The following INSC variants were observed in gnomAD, a reference collection of about 807,000 sequenced individuals.
INSC encodes the protein INSC spindle orientation adaptor protein.
In INSC, 67 loss-of-function variants were observed where a neutral mutation model predicts 58.6. That is an observed-to-expected ratio of 1.14 (90% CI 0.94 to 1.40). INSC has a LOEUF of 1.40. INSC is among the 40% of genes most tolerant of loss of function. The probability of loss-of-function intolerance (pLI) is 0.00; values close to 1 mark genes in which losing one functional copy is unlikely to be tolerated. For synonymous variants in INSC, 262 were observed against 276.1 expected (o/e 0.95, Z 0.51); for missense variants, 714 against 692.0 (o/e 1.03, Z -0.36).
In INSC at chr11:15,246,355, A is replaced by C. The variant is rs76942223; in HGVS notation, c.*315A>C. The C allele has an allele frequency of 1.2e-5, 2 of 170,672 alleles. No individual in the cohort carries two copies. The highest frequency in any genetic ancestry group is 1.6e-4 in the East Asian group (1 of 6,392). The allele number at this position is 170,672 out of a possible 1,614,324, so 10.6% of individuals were successfully genotyped here. On this transcript the variant is annotated 3_prime_UTR_variant, in exon 13 of 13. Transcript: ENST00000379556. The stretch of plus-strand genomic sequence containing the variant: ...TTATTTTTTCTACTCTCACTATACA[A>C]TCTTGCCTCATTTTTTAAAACTTTG...
At chr11:15,136,042 C>T (rs540429825) in intron 1 of INSC, among the ~76,000 whole-genome samples, 1 of 152,116 alleles carries the variant, frequency 6.6e-6, no homozygotes, top group Non-Finnish European at 1.5e-5. Flanking sequence ...TTCATGAGGG[C>T]TCTGCTCTCA....
intron 6 of INSC, among the ~76,000 whole-genome samples, chr11:15,196,722 T>C (rs1299529775): frequency 1.3e-5 from 2 of 152,204 alleles, no homozygotes; most frequent in Non-Finnish European, 2.9e-5. Flanking sequence ...TTTATAGCAC[T>C]CACTTTGTGC....
At chr11:15,185,735 ATTAAG>A (rs1290462527) in intron 5 of INSC, among the ~76,000 whole-genome samples, 1 of 152,182 alleles carries the variant, frequency 6.6e-6, no homozygotes, top group East Asian at 1.9e-4. Flanking sequence ...TGATGATGGT[ATTAAG>A]TTGTTTTGGT....
At chr11:15,229,999 A>ATATATATAT (rs1851843122) in intron 9 of INSC, among the ~76,000 whole-genome samples, 8 of 25,684 alleles carry the variant, frequency 3.1e-4, no homozygotes, top group African/African-American at 3.2e-4. Context: ...ATATATATAT[A>ATATATATAT]TATATATATA....
chr11:15,126,430 C>A (rs570573506), intron 1 of INSC, among the ~76,000 whole-genome samples: 3 of 152,146 alleles, frequency 2.0e-5, no homozygotes, highest in African/African-American at 4.8e-5. Context: ...CTGGGAAGAG[C>A]AAGCTGGAGA....
intron 12 of INSC, among the ~76,000 whole-genome samples, chr11:15,243,689 GCT>G (rs1388693259): frequency 2.0e-5 from 3 of 151,990 alleles, no homozygotes; most frequent in African/African-American, 4.8e-5. Flanking sequence ...TTTCTGCTTT[GCT>G]CTCTTTCTAG....
chr11:15,249,849 A>G (rs1484239916), downstream of INSC, among the ~76,000 whole-genome samples: 4 of 152,254 alleles, frequency 2.6e-5, no homozygotes, highest in African/African-American at 9.6e-5. Flanking sequence ...GGCATTGGCC[A>G]GCTATGTGGC....
chr11:15,142,363 A>T (rs1848391796), intron 1 of INSC, among the ~76,000 whole-genome samples: 1 of 151,770 alleles, frequency 6.6e-6, no homozygotes, highest in African/African-American at 2.4e-5. Context: ...CAGTTCCCTA[A>T]TCTCACCATG....
chr11:15,214,526 T>G (rs948730674), intron 7 of INSC, among the ~76,000 whole-genome samples: 2 of 152,234 alleles, frequency 1.3e-5, no homozygotes, highest in African/African-American at 4.8e-5. Flanking sequence ...TATATTAGCC[T>G]GTGTCCTTTA....
chr11:15,170,442 T>G (rs547407581), intron 2 of INSC, among the ~76,000 whole-genome samples: 1 of 152,140 alleles, frequency 6.6e-6, no homozygotes, highest in Non-Finnish European at 1.5e-5. Context: ...TTTTGTAGAA[T>G]GTCCCTCAGT....
chr11:15,219,332 A>G (rs7936352), intron 7 of INSC, among the ~76,000 whole-genome samples: 2 of 152,306 alleles, frequency 1.3e-5, no homozygotes, highest in East Asian at 3.9e-4. Context: ...ACGTCTCCCA[A>G]CTGAGGCGTG....
At chr11:15,185,116 A>G (rs1849917022) in intron 5 of INSC, among the ~76,000 whole-genome samples, 1 of 152,214 alleles carries the variant, frequency 6.6e-6, no homozygotes, top group African/African-American at 2.4e-5. Flanking sequence ...GGCTTTTCCA[A>G]TTCTTTGCTT....
At chr11:15,205,093 T>A (rs767872094) in intron 7 of INSC, among the ~76,000 whole-genome samples, 16 of 152,192 alleles carry the variant, frequency 1.1e-4, no homozygotes, top group Non-Finnish European at 2.1e-4. Flanking sequence ...TGCCAGTCAG[T>A]CATTCACTTA....
intron 5 of INSC, among the ~76,000 whole-genome samples, chr11:15,182,577 T>C (rs2063687855): frequency 6.6e-6 from 1 of 152,224 alleles, no homozygotes; most frequent in Non-Finnish European, 1.5e-5. Context: ...ATTTGCATTC[T>C]TTCCCATTCA....
intron 7 of INSC, among the ~76,000 whole-genome samples, chr11:15,205,233 A>G (rs994854705): frequency 1.3e-5 from 2 of 152,254 alleles, no homozygotes; most frequent in South Asian, 2.1e-4. Flanking sequence ...AAAATAAAAA[A>G]TAAGTAAACT....
intron 5 of INSC, among the ~76,000 whole-genome samples, chr11:15,181,316 T>C (rs1399992362): frequency 6.6e-6 from 1 of 152,256 alleles, no homozygotes; most frequent in African/African-American, 2.4e-5. Context: ...ACCTATTTAC[T>C]TCTTCTGAGA....
rs188311402 is a variant in INSC, at chr11:15,153,201, G to T, written c.56+3971G>T. On this transcript the variant is annotated intron_variant, in intron 2 of 12. Transcript: ENST00000379556. ...GTAACTTCTCTTTTGGCCTGATCAG[G>T]CCTGGATTTGTAGCAAGTATACAGT... 1.3e-3 allele frequency among the ~76,000 whole-genome samples: 201 copies of T among 152,250 alleles called. 1 individual carries two copies. The highest frequency in any genetic ancestry group is 3.4e-3 in the Middle Eastern group (1 of 292).
chr11:15,260,015 A>G, the INSC span, among the ~76,000 whole-genome samples: 1 of 152,110 alleles, frequency 6.6e-6, no homozygotes, highest in Admixed American at 6.6e-5. Flanking sequence ...AGTGGGAAAA[A>G]AAAGTGAAGG....
chr11:15,168,614 A>G (rs1204459242), intron 2 of INSC, among the ~76,000 whole-genome samples: 2 of 152,204 alleles, frequency 1.3e-5, no homozygotes, highest in East Asian at 3.9e-4. Flanking sequence ...GGCCCTACAC[A>G]TTCATCACTT....
Sources: allele counts gnomAD v4.1 joint callset (sites outside exome capture counted in the v4.1 genomes callset), GRCh38; gene constraint gnomAD v4.1.1; transcripts MANE v1.5; gene names NCBI Gene and HGNC (gene_info 2026-07-23, HGNC 2026-07-21).